Variants in SOX5 observed in about 807,000 individuals in gnomAD.
SOX5 encodes SRY-box transcription factor 5.
Under a neutral mutation model 92.0 loss-of-function variants are expected in SOX5, and 9 were observed. That is an observed-to-expected ratio of 0.10 (90% confidence interval 0.06 to 0.17). The LOEUF is 0.17. SOX5 is among the 10% of genes least tolerant of loss of function. SOX5 has a pLI of 1.00. For synonymous variants in SOX5, 344 were observed against 336.3 expected (o/e 1.02, Z -0.25); for missense variants, 642 against 944.5 (o/e 0.68, Z 4.20).
chr12:24,554,937 A>G (rs939569920), intron 1 of SOX5, among the ~76,000 whole-genome samples: 2 of 152,190 alleles, frequency 1.3e-5, no homozygotes, highest in African/African-American at 4.8e-5. Flanking sequence ...GCTCCTCTAC[A>G]GTTTCTTTTA....
At chr12:23,977,491 G>A (rs895470904) in intron 4 of SOX5, among the ~76,000 whole-genome samples, 16 of 152,034 alleles carry the variant, frequency 1.1e-4, no homozygotes, top group Non-Finnish European at 1.9e-4. Context: ...CCAACATGGC[G>A]AAATCCCATC....
Position 24,529,462 on chromosome 12 carries a change from C to T in SOX5, c.-251+32867G>A, listed in dbSNP as rs573717290. On this transcript the variant is annotated intron_variant, in intron 1 of 4. Coordinates refer to the SOX5 transcript ENST00000446891. The stretch of plus-strand genomic sequence containing the variant: ...AATACTCAATTTATATACCACATAC[C>T]TTTTAACGAAAAGAAAATATACACA... 3.9e-5 allele frequency among the ~76,000 whole-genome samples: 6 copies of T among 152,202 alleles called. No individual in the cohort carries two copies. In the East Asian group the frequency reaches 9.7e-4, roughly 24 times the overall value.
chr12:24,461,683 A>G lies in SOX5; in HGVS notation c.-250-93044T>C, dbSNP rs979403361. On this transcript the variant is annotated intron_variant, in intron 1 of 4. Transcript: ENST00000446891. ...AGTAATTTTTCAAACTTTATGTAAT[A>G]ATAGTAATAAAACCTAACCTTCATT... Among the ~76,000 whole-genome samples, 20 of 152,302 alleles carry G rather than the reference A, an allele frequency of 1.3e-4. 2 individuals carry two copies. The South Asian group carries it at 2.9e-3, about 22-fold the overall frequency.
chr12:23,934,016 C>T (rs1042413124), intron 1 of SOX5, among the ~76,000 whole-genome samples: 2 of 151,560 alleles, frequency 1.3e-5, no homozygotes, highest in Admixed American at 1.3e-4. Flanking sequence ...AGTTTAGCTA[C>T]TTATAGAAAT....
chr12:24,509,300 A>G (rs1005848241), intron 1 of SOX5, among the ~76,000 whole-genome samples: 1 of 152,190 alleles, frequency 6.6e-6, no homozygotes, highest in African/African-American at 2.4e-5. Flanking sequence ...GACCCATTAC[A>G]TTTTATGCTG....
chr12:23,625,698 G>A (rs530704666), intron 8 of SOX5, among the ~76,000 whole-genome samples: 3 of 152,146 alleles, frequency 2.0e-5, no homozygotes, highest in South Asian at 4.1e-4. Context: ...CAACCTCTGC[G>A]TCCTGGGTTC....
At chr12:24,456,467 G>C (rs1350463988) in intron 1 of SOX5, among the ~76,000 whole-genome samples, 1 of 152,200 alleles carries the variant, frequency 6.6e-6, no homozygotes, top group African/African-American at 2.4e-5. Flanking sequence ...GCATGAGAGA[G>C]ATTTAAGGCA....
At chr12:24,112,611 G>A (rs60858510) in intron 4 of SOX5, among the ~76,000 whole-genome samples, 1 of 141,794 alleles carries the variant, frequency 7.1e-6, no homozygotes, top group Admixed American at 7.8e-5. Flanking sequence ...GCTCACTGCA[G>A]ACTTGACTTT....
At chr12:23,721,646 T>C (rs1335356927) in intron 6 of SOX5, among the ~76,000 whole-genome samples, 1 of 152,208 alleles carries the variant, frequency 6.6e-6, no homozygotes, top group East Asian at 1.9e-4. Flanking sequence ...CTCACTCAAA[T>C]GACTATCTTT....
At chr12:23,598,387 C>CTTTTTTTTTTTTTTTTTTTTT (rs201719026) in intron 9 of SOX5, among the ~76,000 whole-genome samples, 1 of 95,128 alleles carries the variant, frequency 1.1e-5, no homozygotes, top group Non-Finnish European at 2.0e-5. Context: ...TGTGCTTTAT[C>CTTTTTTTTTTTTTTTTTTTTT]TTTTTTTTTT....
intron 3 of SOX5, among the ~76,000 whole-genome samples, chr12:23,779,619 C>A (rs2095217999): frequency 6.6e-6 from 1 of 151,162 alleles, no homozygotes; most frequent in South Asian, 2.1e-4. Context: ...CTAAATTGTT[C>A]ATGGTTTGAC....
chr12:24,317,420 C>T (rs1949799103), intron 2 of SOX5, among the ~76,000 whole-genome samples: 1 of 152,154 alleles, frequency 6.6e-6, no homozygotes, highest in South Asian at 2.1e-4. Flanking sequence ...TTTCTATACC[C>T]TTGTCAACAC....
intron 8 of SOX5, among the ~76,000 whole-genome samples, chr12:23,608,548 T>C (rs17468457): frequency 0.08 from 12,147 of 152,178 alleles, 656 homozygotes; most frequent in Non-Finnish European, 0.11. Context: ...TCTTCAACAT[T>C]TTAAGCTCCT....
intron 1 of SOX5, among the ~76,000 whole-genome samples, chr12:24,477,876 T>C (rs1945567065): frequency 6.6e-6 from 1 of 152,100 alleles, no homozygotes; most frequent in Non-Finnish European, 1.5e-5. Flanking sequence ...GTTTCTTTCT[T>C]TTGAAGTCTA....
intron 1 of SOX5, among the ~76,000 whole-genome samples, chr12:24,482,603 A>AG (rs1946110690): frequency 6.6e-6 from 1 of 152,196 alleles, no homozygotes; most frequent in Admixed American, 6.5e-5. Flanking sequence ...CCTTCTACAA[A>AG]TAGTATATTT....
rs568812094 is a variant in SOX5, at chr12:24,365,174, G to A, written c.-174+3389C>T. ...GAGACAAAAGGTGACACACTGTAACGTCTTTATTTAACATATTTATTCTTC... is the reference window on the plus strand; with the variant it reads ...GAGACAAAAGGTGACACACTGTAACATCTTTATTTAACATATTTATTCTTC... On this transcript the variant is annotated intron_variant, in intron 2 of 4. Transcript: ENST00000446891. Among the ~76,000 whole-genome samples, 31 of 152,126 alleles carry A rather than the reference G, an allele frequency of 2.0e-4. No individual in the cohort carries two copies. The East Asian group carries it at 5.0e-3, about 25-fold the overall frequency.
intron 1 of SOX5, among the ~76,000 whole-genome samples, chr12:24,459,184 T>G (rs1374336626): frequency 6.6e-6 from 1 of 152,204 alleles, no homozygotes; most frequent in Non-Finnish European, 1.5e-5. Context: ...TGTCACGAAG[T>G]GCTGGTTTAT....
At chr12:24,274,830 C>T in intron 3 of SOX5, among the ~76,000 whole-genome samples, 1 of 151,654 alleles carries the variant, frequency 6.6e-6, no homozygotes, top group South Asian at 2.1e-4. Context: ...CTGCAGTACT[C>T]AACCTCTTCC....
intron 4 of SOX5, among the ~76,000 whole-genome samples, chr12:24,060,293 C>T (rs1377976018): frequency 6.6e-6 from 1 of 152,166 alleles, no homozygotes; most frequent in Admixed American, 6.5e-5. Context: ...GAAAAGATTA[C>T]ATACTTCCCC....
Sources: gnomAD v4.1 joint callset for allele counts (sites outside exome capture counted in the v4.1 genomes callset) on GRCh38, gnomAD v4.1.1 for gene constraint, MANE v1.5 for transcripts, NCBI Gene and HGNC (gene_info 2026-07-23, HGNC 2026-07-21) for gene names.